The following GNAQ variants were observed in gnomAD, a reference collection of about 807,000 sequenced individuals.
GNAQ encodes the protein G protein subunit alpha q, also known as guanine nucleotide-binding protein G(q) subunit alpha.
Under a neutral mutation model 43.9 loss-of-function variants are expected in GNAQ, and 8 were observed. The observed-to-expected ratio is 0.18, with a 90% confidence interval of 0.11 to 0.33. The LOEUF is 0.33. GNAQ is among the 10% of genes least tolerant of loss of function. The pLI, the probability that GNAQ is intolerant of heterozygous loss-of-function variation, is 1.00. For missense variants in GNAQ, 158 were observed against 450.8 expected, an observed-to-expected ratio of 0.35 and a Z score of 5.88; for synonymous variants, 155 against 170.7, an observed-to-expected ratio of 0.91 and a Z score of 0.71.
intron 2 of GNAQ, among the ~76,000 whole-genome samples, chr9:77,891,767 G>A (rs1045747939): frequency 6.6e-6 from 1 of 152,154 alleles, no homozygotes; most frequent in Non-Finnish European, 1.5e-5. Flanking sequence ...ACAACTGTGT[G>A]CAGTGCTTGC....
intron 5 of GNAQ, among the ~76,000 whole-genome samples, chr9:77,765,206 A>G (rs1235142256): frequency 1.3e-5 from 2 of 152,208 alleles, no homozygotes; most frequent in African/African-American, 4.8e-5. Context: ...GACATTCTCC[A>G]TGCATTGAGG....
intron 2 of GNAQ, among the ~76,000 whole-genome samples, chr9:77,832,195 GCTAA>G (rs1827309178): frequency 6.6e-6 from 1 of 151,396 alleles, no homozygotes; most frequent in Non-Finnish European, 1.5e-5. Flanking sequence ...CTCCCTGCTT[GCTAA>G]CTGATAATGG....
At chr9:77,954,849 C>T (rs958700750) in intron 1 of GNAQ, among the ~76,000 whole-genome samples, 7 of 152,142 alleles carry the variant, frequency 4.6e-5, no homozygotes, top group African/African-American at 1.7e-4. Context: ...CTGTGTTAAC[C>T]ACCAACACAA....
At chr9:77,728,882 GTAA>G (rs940830285) in intron 5 of GNAQ, among the ~76,000 whole-genome samples, 2 of 152,090 alleles carry the variant, frequency 1.3e-5, no homozygotes, top group Admixed American at 1.3e-4. Context: ...GCAGAAGAGA[GTAA>G]TAATAATAAA....
At chr9:77,931,895 C>T (rs1441002650) in intron 1 of GNAQ, among the ~76,000 whole-genome samples, 1 of 145,602 alleles carries the variant, frequency 6.9e-6, no homozygotes, top group Non-Finnish European at 1.5e-5. Flanking sequence ...CTATAATTTA[C>T]AATGCAAAAT....
chr9:77,795,629 G>C (rs1322583776), intron 4 of GNAQ, among the ~76,000 whole-genome samples: 1 of 152,210 alleles, frequency 6.6e-6, no homozygotes, highest in Admixed American at 6.5e-5. Context: ...GCACAGGAGA[G>C]AGATCTAAGG....
intron 5 of GNAQ, among the ~76,000 whole-genome samples, chr9:77,790,279 C>G (rs1284508046): frequency 6.6e-6 from 1 of 151,988 alleles, no homozygotes; most frequent in African/African-American, 2.4e-5. Context: ...TTTTTTTCTC[C>G]TCAATTTTTA....
intron 1 of GNAQ, among the ~76,000 whole-genome samples, chr9:77,940,645 T>C (rs1277399147): frequency 6.6e-6 from 1 of 152,128 alleles, no homozygotes; most frequent in Non-Finnish European, 1.5e-5. Flanking sequence ...TGCAAAATAC[T>C]ACAAAGAGTT....
At chr9:77,831,532 C>A (rs960128091) in intron 2 of GNAQ, among the ~76,000 whole-genome samples, 2 of 152,108 alleles carry the variant, frequency 1.3e-5, no homozygotes, top group Non-Finnish European at 2.9e-5. Flanking sequence ...TATAAAAAGC[C>A]TCTGTTAAAT....
At chr9:77,918,925 A>AT (rs1325293929) in intron 2 of GNAQ, among the ~76,000 whole-genome samples, 2 of 151,814 alleles carry the variant, frequency 1.3e-5, no homozygotes, top group South Asian at 2.1e-4. Flanking sequence ...CTCACAAATA[A>AT]TTTTTTTTGT....
chr9:78,005,238 G>A (rs941234317), intron 1 of GNAQ, among the ~76,000 whole-genome samples: 1 of 152,126 alleles, frequency 6.6e-6, no homozygotes, highest in Non-Finnish European at 1.5e-5. Context: ...TAGAGATGGT[G>A]TTCTTCATGT....
chr9:77,993,711 A>G (rs1000974465), intron 1 of GNAQ, among the ~76,000 whole-genome samples: 5 of 151,258 alleles, frequency 3.3e-5, no homozygotes, highest in Admixed American at 1.3e-4. Context: ...CAGGGGAAGA[A>G]AAAAAAAAGG....
intron 1 of GNAQ, among the ~76,000 whole-genome samples, chr9:77,929,840 A>G: frequency 6.6e-6 from 1 of 151,790 alleles, no homozygotes; most frequent in South Asian, 2.1e-4. Flanking sequence ...ACACACAAAA[A>G]TTTTTTTTTA....
intron 2 of GNAQ, among the ~76,000 whole-genome samples, chr9:77,838,903 T>C (rs1827439210): frequency 6.6e-6 from 1 of 151,956 alleles, no homozygotes; most frequent in Non-Finnish European, 1.5e-5. Flanking sequence ...TTCTAGATAG[T>C]CTTTGTGACT....
intron 5 of GNAQ, among the ~76,000 whole-genome samples, chr9:77,734,274 C>T (rs1046422751): frequency 1.3e-5 from 2 of 152,166 alleles, no homozygotes; most frequent in East Asian, 3.9e-4. Flanking sequence ...TCTCACAAAA[C>T]GCACTTCTTT....
intron 5 of GNAQ, among the ~76,000 whole-genome samples, chr9:77,761,931 C>T (rs1306172249): frequency 1.3e-4 from 17 of 131,448 alleles, no homozygotes; most frequent in Non-Finnish European, 2.2e-4. Flanking sequence ...CCAGCCGCCC[C>T]GTCCGGGAGG....
Position 77,960,713 on chromosome 9 carries a change from C to T in GNAQ, c.137-38368G>A, listed in dbSNP as rs116949036. ...TATAGTCAATACAAAATATCATTTA[C>T]AAAAGATGGGAAAAACTAGCTAAAT... On this transcript the variant is annotated intron_variant, in intron 1 of 6. Coordinates refer to ENST00000286548, the MANE Select transcript of GNAQ (RefSeq NM_002072.5). Among the ~76,000 whole-genome samples, 372 of 152,120 alleles carry T rather than the reference C, an allele frequency of 2.4e-3. 2 individuals carry two copies. Among genetic ancestry groups the T allele is most frequent in the Admixed American group, 2.6e-3 (39 of 15,288 alleles).
intron 1 of GNAQ, among the ~76,000 whole-genome samples, chr9:77,997,634 G>A (rs1823586098): frequency 6.6e-6 from 1 of 152,048 alleles, no homozygotes; most frequent in Non-Finnish European, 1.5e-5. Flanking sequence ...CTGTACAAGG[G>A]ACCCAAGCAG....
chr9:77,914,008 A>G lies in GNAQ; in HGVS notation c.321+8153T>C, dbSNP rs554498071. ...AAATGAACTTAGATGTACATCCTAG[A>G]AAGGCAATATGGCATGCCTTGGGAT... On this transcript the variant is annotated intron_variant, in intron 2 of 6. Transcript: ENST00000286548. Among the ~76,000 whole-genome samples the G allele has an allele frequency of 9.8e-5, 15 of 152,330 alleles. No individual in the cohort carries two copies. In the East Asian group the frequency reaches 2.5e-3, roughly 25 times the overall value.
Sources: gnomAD v4.1 joint callset for allele counts (sites outside exome capture counted in the v4.1 genomes callset) on GRCh38, gnomAD v4.1.1 for gene constraint, MANE v1.5 for transcripts, NCBI Gene and HGNC (gene_info 2026-07-23, HGNC 2026-07-21) for gene names.